Variants in WASHC4 observed in about 807,000 individuals in gnomAD.
The protein encoded by WASHC4 is WASH complex subunit 7.
WASHC4 carries 86 observed loss-of-function variants against 166.6 expected under a neutral mutation model. The observed-to-expected ratio is 0.52, with a 90% CI of 0.43 to 0.62. WASHC4 has a LOEUF of 0.62. Ranked by LOEUF, WASHC4 falls within the 20% of genes least tolerant of loss-of-function variation. The probability of loss-of-function intolerance (pLI) is 0.00; values close to 1 mark genes in which losing one functional copy is unlikely to be tolerated. For synonymous variants in WASHC4, 446 were observed against 451.6 expected (o/e 0.99, Z 0.16); for missense variants, 1,262 against 1,382.4 (o/e 0.91, Z 1.38).
In WASHC4 at chr12:105,115,206, G is replaced by T. The variant is rs769962639; in HGVS notation, c.344G>T (p.Gly115Val). The T allele has an allele frequency of 6.4e-7, 1 of 1,556,688 alleles. No homozygotes were observed. The highest frequency in any genetic ancestry group is 8.9e-7 in the Non-Finnish European group (1 of 1,129,024). ...KYEAETKFYN[G>V]LLFYGEGATD... is the part of the protein sequence containing the mutation. ...CAGGCTGAAACTAAATTTTACAATGGTCTCTTGTTTTATGGAGAAGGAGGT... is the reference window on the plus strand; with the variant it reads ...CAGGCTGAAACTAAATTTTACAATGTTCTCTTGTTTTATGGAGAAGGAGGT... The change falls in exon 5 of 33, where the codon GGT becomes GTT. Residue 115 changes from glycine (G) to valine (V), a missense_variant. Coordinates refer to ENST00000332180, the MANE Select transcript of WASHC4 (RefSeq NM_015275.3).
Position 105,144,424 on chromosome 12 carries a change from T to G in WASHC4, c.2148T>G (p.Ile716Met), listed in dbSNP as rs778725920. The part of the protein sequence containing the change: ...DLALFFSLNP[I>M]RFFNRFIDIR... ...CTCTTTTTTTCTCTCTGAATCCAAT[T>G]CGGTTTTTCAATCGTTTCATTGACA... The change falls in exon 21 of 33, where the codon ATT becomes ATG. Residue 716 changes from isoleucine (I) to methionine (M), a missense_variant. By Grantham distance (10) the Ile-to-Met change is conservative. Coordinates refer to ENST00000332180, the MANE Select transcript of WASHC4 (RefSeq NM_015275.3). The G allele has an allele frequency of 1.1e-5, 18 of 1,613,400 alleles. No homozygotes were observed. Among genetic ancestry groups the G allele is most frequent in the Non-Finnish European group, 1.5e-5 (18 of 1,179,564 alleles).
intron 22 of WASHC4, 26 bp downstream of exon 22, chr12:105,144,898 C>A: frequency 6.3e-7 from 1 of 1,591,532 alleles, no homozygotes; most frequent in Non-Finnish European, 8.6e-7. Flanking sequence ...TTTTTTTTAG[C>A]ATACTGTGAC....
At chr12:105,131,110 C>T (rs1317411944) in intron 13 of WASHC4, among the ~76,000 whole-genome samples, 4 of 149,348 alleles carry the variant, frequency 2.7e-5, no homozygotes, top group South Asian at 2.1e-4. Context: ...GACGGAGTCT[C>T]GCTCTGTCTC....
At chr12:105,141,118 A>G in intron 17 of WASHC4, 49 bp from the exon 18 acceptor site, 1 of 1,610,062 alleles carries the variant, frequency 6.2e-7, no homozygotes, top group Non-Finnish European at 8.5e-7. Flanking sequence ...TACTGACCCT[A>G]GAAACCTTTG....
chr12:105,151,140 T>G (rs1279065086), intron 25 of WASHC4, among the ~76,000 whole-genome samples: 7 of 81,850 alleles, frequency 8.6e-5, no homozygotes, highest in African/African-American at 2.7e-4. Flanking sequence ...AGCAAGACTC[T>G]GTCTCAAAAA....
rs200169361 is a variant in WASHC4, at chr12:105,162,774, T to G, written c.3086T>G (p.Ile1029Ser). The G allele has an allele frequency of 1.2e-4, 187 of 1,594,470 alleles. No individual in the cohort carries two copies. The highest frequency in any genetic ancestry group is 1.5e-4 in the Non-Finnish European group (175 of 1,164,824). Residue 1029 changes from isoleucine to serine, a missense_variant, in exon 30 of 33, where the codon ATT (isoleucine) becomes AGT (serine). Physicochemically the swap from Ile to Ser is moderately radical, Grantham distance 142. Coordinates refer to ENST00000332180, the MANE Select transcript of WASHC4 (RefSeq NM_015275.3). ...PLTLNFVEHS[I>S]SCKEKLNKKN... is the part of the protein sequence containing the mutation. ...ACCCTCAACTTTGTAGAGCATTCCA[T>G]TAGTTGCAAGGAAAAATTAAATAAA...
intron 13 of WASHC4, among the ~76,000 whole-genome samples, chr12:105,128,383 A>G (rs764132567): frequency 4.6e-5 from 7 of 152,232 alleles, no homozygotes; most frequent in Non-Finnish European, 1.0e-4. Flanking sequence ...CCATTTGAGT[A>G]GCAGTAAGTG....
chr12:105,140,928 C>T lies in WASHC4; in HGVS notation c.1590C>T (p.Ser530=), dbSNP rs539930657. ...GAGTGATTTCTGACAAAAAATACAGCGAACAGCGTCTTGATGTGCTCTCTG... is the reference window on the plus strand; with the variant it reads ...GAGTGATTTCTGACAAAAAATACAGTGAACAGCGTCTTGATGTGCTCTCTG... ...KKRVISDKKY[S]EQRLDVLSAL... is the part of the protein sequence containing the mutation. The change falls in exon 17 of 33, where the codon AGC becomes AGT. Residue 530 remains serine, a synonymous_variant. Coordinates refer to ENST00000332180, the MANE Select transcript of WASHC4 (RefSeq NM_015275.3). The T allele has an allele frequency of 3.2e-5, 51 of 1,613,960 alleles. No homozygotes were observed. In the African/African-American group the frequency reaches 3.3e-4, roughly 11 times the overall value.
intron 1 of WASHC4, 31 bp downstream of exon 1, chr12:105,107,892 T>G: frequency 6.7e-7 from 1 of 1,502,666 alleles, no homozygotes; most frequent in Non-Finnish European, 9.1e-7. Context: ...GGGCTGCGGG[T>G]GGACGCTCCT....
At position 105,126,193 on chromosome 12, in the gene WASHC4, A is replaced by G. The variant is rs372430455; in HGVS notation, c.911-42A>G. 1.2e-5 allele frequency: 19 copies of G among 1,611,946 alleles called. No homozygotes were observed. The South Asian group carries it at 2.1e-4, about 18-fold the overall frequency. ...TGCATTTCCTTAAAAGCATAATTGAAGTATATTTGTTCTGCTTTCTCTTAT... is the reference window on the plus strand; with the variant it reads ...TGCATTTCCTTAAAAGCATAATTGAGGTATATTTGTTCTGCTTTCTCTTAT... On this transcript the variant is annotated intron_variant, in intron 11 of 32. Coordinates refer to ENST00000332180, the MANE Select transcript of WASHC4 (RefSeq NM_015275.3).
intron 29 of WASHC4, among the ~76,000 whole-genome samples, chr12:105,161,088 G>A (rs1210011566): frequency 6.6e-6 from 1 of 152,108 alleles, no homozygotes; most frequent in African/African-American, 2.4e-5. Flanking sequence ...AAAAAAAATT[G>A]TAAGTAGATA....
intron 13 of WASHC4, among the ~76,000 whole-genome samples, chr12:105,129,620 A>G (rs1020019974): frequency 5.3e-5 from 8 of 152,208 alleles, no homozygotes; most frequent in African/African-American, 1.9e-4. Context: ...GGATGTCAGA[A>G]GGTCTGAGAA....
Position 105,167,649 on chromosome 12 carries a change from C to T in WASHC4, c.*718C>T, listed in dbSNP as rs1211721071. On this transcript the variant is annotated 3_prime_UTR_variant, in exon 33 of 33. Coordinates refer to ENST00000332180, the MANE Select transcript of WASHC4 (RefSeq NM_015275.3). Reference sequence around the variant, plus strand: ...AAAATTCAGATAAAGCCATAGAGTCCTGTTTGAAGCTTCACTTCTATTTTG... The same window carrying T: ...AAAATTCAGATAAAGCCATAGAGTCTTGTTTGAAGCTTCACTTCTATTTTG... The T allele has an allele frequency of 2.0e-5, 3 of 152,420 alleles. No individual in the cohort carries two copies. Among genetic ancestry groups the T allele is most frequent in the African/African-American group, 7.3e-5 (3 of 41,376 alleles). The allele number at this position is 152,420 out of a possible 1,614,324, so 9.4% of individuals were successfully genotyped here. A position where few individuals can be genotyped will look rare whatever the true frequency, so the allele number is the denominator to read the frequency against.
At chr12:105,144,687 T>C (rs1883152468) in intron 21 of WASHC4, 31 bp from the exon 22 acceptor site, 2 of 1,592,092 alleles carry the variant, frequency 1.3e-6, no homozygotes, top group East Asian at 2.2e-5. Flanking sequence ...TTTTCTACTG[T>C]TTCACAAGTT....
At chr12:105,115,399 A>G (rs1880085974) in intron 5 of WASHC4, among the ~76,000 whole-genome samples, 170 bp downstream of exon 5, 2 of 152,048 alleles carry the variant, frequency 1.3e-5, no homozygotes, top group African/African-American at 4.8e-5. Context: ...AAGCAGCAGC[A>G]AATTTGTGAT....
chr12:105,161,746 A>C (rs1428292982), intron 29 of WASHC4, among the ~76,000 whole-genome samples: 2 of 152,266 alleles, frequency 1.3e-5, no homozygotes, highest in Non-Finnish European at 2.9e-5. Flanking sequence ...TAAGTTTCAC[A>C]GTCAAAAAAA....
intron 7 of WASHC4, 94 bp downstream of exon 7, chr12:105,118,622 C>T (rs1374964366): frequency 1.3e-6 from 1 of 795,948 alleles, no homozygotes. Flanking sequence ...TTCTTTCATT[C>T]AGCATTCTTT....
intron 2 of WASHC4, among the ~76,000 whole-genome samples, chr12:105,112,965 C>T (rs1008087264): frequency 6.6e-6 from 1 of 152,122 alleles, no homozygotes; most frequent in African/African-American, 2.4e-5. Context: ...CCCTGAACTG[C>T]CTCACAAATA....
At chr12:105,123,096 G>A (rs1196832) in intron 10 of WASHC4, among the ~76,000 whole-genome samples, 102,919 of 152,096 alleles carry the variant, frequency 0.68, 35,583 homozygotes, top group Middle Eastern at 0.83. Flanking sequence ...CGCAGATCAC[G>A]TGAGGTCAGG....
Sources: gnomAD v4.1 joint callset for allele counts (sites outside exome capture counted in the v4.1 genomes callset) on GRCh38, gnomAD v4.1.1 for gene constraint, MANE v1.5 for transcripts, NCBI Gene and HGNC (gene_info 2026-07-23, HGNC 2026-07-21) for gene names.